The following SORCS3 variants were observed in gnomAD, a reference collection of about 807,000 sequenced individuals.
The protein encoded by SORCS3 is sortilin related VPS10 domain containing receptor 3, also known as VPS10 domain-containing receptor SorCS3.
Under a neutral mutation model 146.3 loss-of-function variants are expected in SORCS3, and 57 were observed. That is an observed-to-expected ratio of 0.39 (90% CI 0.31 to 0.49). SORCS3 has a LOEUF of 0.49. SORCS3 is among the 20% of genes least tolerant of loss of function. The pLI is 0.92. For missense variants in SORCS3, 1,341 were observed against 1,575.5 expected (o/e 0.85, Z 2.52); for synonymous variants, 653 against 618.5 (o/e 1.06, Z -0.83).
intron 1 of SORCS3, among the ~76,000 whole-genome samples, chr10:104,691,678 G>A (rs933983705): frequency 1.4e-4 from 21 of 152,186 alleles, no homozygotes; most frequent in African/African-American, 4.6e-4. Flanking sequence ...TATGTGGCAT[G>A]TAATTGTTTA....
At chr10:105,228,547 G>T (rs1249764046) in intron 20 of SORCS3, among the ~76,000 whole-genome samples, 1 of 151,924 alleles carries the variant, frequency 6.6e-6, no homozygotes, top group Non-Finnish European at 1.5e-5. Flanking sequence ...TAGTGGTGAT[G>T]AATTCCCTCA....
chr10:105,036,395 G>C (rs1394903100), intron 4 of SORCS3, among the ~76,000 whole-genome samples: 1 of 152,140 alleles, frequency 6.6e-6, no homozygotes, highest in Admixed American at 6.5e-5. Flanking sequence ...GGAGATCAGG[G>C]AACCTTGTGC....
At chr10:105,116,034 C>G (rs1030888106) in intron 7 of SORCS3, among the ~76,000 whole-genome samples, 5 of 152,160 alleles carry the variant, frequency 3.3e-5, no homozygotes, top group Non-Finnish European at 7.4e-5. Context: ...TTTTCAACAG[C>G]CAGCCCAAAT....
intron 1 of SORCS3, among the ~76,000 whole-genome samples, chr10:104,673,324 T>G (rs1168754383): frequency 1.3e-5 from 2 of 152,172 alleles, no homozygotes; most frequent in Non-Finnish European, 2.9e-5. Flanking sequence ...GCCTTACAGC[T>G]TTTTTGCCCC....
At chr10:105,022,320 G>A (rs1436476943) in intron 4 of SORCS3, among the ~76,000 whole-genome samples, 4 of 141,208 alleles carry the variant, frequency 2.8e-5, no homozygotes, top group Admixed American at 7.2e-5. Flanking sequence ...TTTTCGAGAC[G>A]GAGTTTCGTT....
At chr10:105,123,641 C>T (rs924359853) in intron 7 of SORCS3, among the ~76,000 whole-genome samples, 2 of 151,878 alleles carry the variant, frequency 1.3e-5, no homozygotes, top group Non-Finnish European at 1.5e-5. Flanking sequence ...GGTTTATAGT[C>T]GAGAGAGGGA....
intron 1 of SORCS3, among the ~76,000 whole-genome samples, chr10:104,679,725 T>C (rs2015949833): frequency 1.3e-5 from 2 of 152,200 alleles, no homozygotes; most frequent in South Asian, 4.1e-4. Context: ...GGGCTCTTGA[T>C]TGCAACATTC....
At chr10:104,649,514 A>G (rs1221344133) in intron 1 of SORCS3, among the ~76,000 whole-genome samples, 2 of 152,212 alleles carry the variant, frequency 1.3e-5, no homozygotes, top group African/African-American at 4.8e-5. Context: ...GTTGAAGCAG[A>G]GGAAGGAGGC....
chr10:104,694,292 T>C (rs2016148385), intron 1 of SORCS3, among the ~76,000 whole-genome samples: 1 of 151,796 alleles, frequency 6.6e-6, no homozygotes, highest in Non-Finnish European at 1.5e-5. Context: ...GTTGTTGGTT[T>C]GGGGAAGTGA....
At chr10:105,000,484 T>G (rs2055054472) in intron 4 of SORCS3, among the ~76,000 whole-genome samples, 1 of 152,070 alleles carries the variant, frequency 6.6e-6, no homozygotes, top group Non-Finnish European at 1.5e-5. Context: ...GTTTTCTTTG[T>G]TGTTGTTTTG....
intron 1 of SORCS3, among the ~76,000 whole-genome samples, chr10:104,675,994 C>G (rs2015908486): frequency 1.3e-5 from 2 of 152,170 alleles, no homozygotes; most frequent in Non-Finnish European, 2.9e-5. Flanking sequence ...AGCAGTGTTT[C>G]ATACTTTTCA....
chr10:104,902,610 A>G (rs1382655366), intron 2 of SORCS3, among the ~76,000 whole-genome samples: 2 of 152,220 alleles, frequency 1.3e-5, no homozygotes, highest in African/African-American at 4.8e-5. Context: ...GATCACTCAG[A>G]TGATAGGAAG....
chr10:104,815,002 A>G (rs1014173574), intron 1 of SORCS3, among the ~76,000 whole-genome samples: 2 of 152,140 alleles, frequency 1.3e-5, no homozygotes, highest in Non-Finnish European at 2.9e-5. Context: ...ATAGAAGTGG[A>G]GGAAGAGGGA....
chr10:104,935,337 C>G (rs1035643401), intron 3 of SORCS3, among the ~76,000 whole-genome samples: 2 of 152,180 alleles, frequency 1.3e-5, no homozygotes, highest in African/African-American at 4.8e-5. Context: ...GATTTGGAGT[C>G]TGTTTCATTA....
chr10:105,038,920 T>C (rs2055322017), intron 4 of SORCS3, among the ~76,000 whole-genome samples: 1 of 152,168 alleles, frequency 6.6e-6, no homozygotes, highest in South Asian at 2.1e-4. Flanking sequence ...TTTATAATAA[T>C]TTAAAGAAAT....
chr10:105,246,687 C>T (rs930168428), intron 21 of SORCS3, among the ~76,000 whole-genome samples: 1 of 152,180 alleles, frequency 6.6e-6, no homozygotes, highest in Non-Finnish European at 1.5e-5. Flanking sequence ...AAATTTTATA[C>T]AGAAGCGTGC....
At chr10:105,247,014 G>A (rs936693094) in intron 21 of SORCS3, among the ~76,000 whole-genome samples, 11 of 152,210 alleles carry the variant, frequency 7.2e-5, no homozygotes, top group Non-Finnish European at 5.9e-5. Context: ...ACAAAAACTG[G>A]TAGGAGCACA....
intron 5 of SORCS3, among the ~76,000 whole-genome samples, chr10:105,049,277 C>G (rs144451162): frequency 8.9e-4 from 136 of 152,248 alleles, no homozygotes; most frequent in African/African-American, 3.2e-3. Context: ...TCATATCTGT[C>G]CTGACCATCA....
At chr10:105,194,128 G>A (rs1438799149) in intron 14 of SORCS3, among the ~76,000 whole-genome samples, 3 of 152,078 alleles carry the variant, frequency 2.0e-5, no homozygotes, top group Non-Finnish European at 4.4e-5. Flanking sequence ...GGAAACCAAA[G>A]GGTAGGCTAC....
Sources: allele counts gnomAD v4.1 joint callset (sites outside exome capture counted in the v4.1 genomes callset), GRCh38; gene constraint gnomAD v4.1.1; transcripts MANE v1.5; gene names NCBI Gene and HGNC (gene_info 2026-07-23, HGNC 2026-07-21).